ZSWIM6: variants seen among roughly 807,000 people sequenced by gnomAD.
The protein encoded by ZSWIM6 is zinc finger SWIM domain-containing protein 6.
ZSWIM6 carries 9 observed loss-of-function variants against 113.2 expected under a neutral mutation model. The ratio of observed to expected loss-of-function variants is 0.08; its 90% CI spans 0.05 to 0.14. The LOEUF is 0.14. Among genes scored for constraint, ZSWIM6 ranks in the 10% least tolerant of loss-of-function variants. ZSWIM6 has a pLI of 1.00. For missense variants in ZSWIM6, 1,162 were observed against 1,552.2 expected (o/e 0.75, Z 4.22); for synonymous variants, 611 against 606.5 (o/e 1.01, Z -0.11).
rs140840938 is a variant in ZSWIM6, at chr5:61,434,497, C to G, written c.677-38184C>G. Among the ~76,000 whole-genome samples, 1,405 of 150,986 alleles carry G rather than the reference C, an allele frequency of 9.3e-3. 14 individuals carry two copies. The highest frequency in any genetic ancestry group is 0.031 in the Middle Eastern group (9 of 290). On this transcript the variant is annotated intron_variant, in intron 1 of 13. Transcript: ENST00000252744. ...AAAGTCCCTTATATCATTCTTATGCCTTCGCATCCTATAGTTTAGTTCCCA... is the reference window on the plus strand; with the variant it reads ...AAAGTCCCTTATATCATTCTTATGCGTTCGCATCCTATAGTTTAGTTCCCA...
rs144108116 is a variant in ZSWIM6, at chr5:61,494,759, A to G, written c.1333+349A>G. Among the ~76,000 whole-genome samples, 160 of 152,300 alleles carry G rather than the reference A, an allele frequency of 1.1e-3. 1 individual carries two copies. The highest frequency in any genetic ancestry group is 3.6e-3 in the African/African-American group (150 of 41,574). ...GATTAATATTGTAATTGATTCAGCT[A>G]AAATTTAGAGTCTTTCTTCCCCCTT... On this transcript the variant is annotated intron_variant, in intron 4 of 13. Transcript: ENST00000252744.
intron 4 of ZSWIM6, among the ~76,000 whole-genome samples, chr5:61,514,948 A>G (rs1312885592): frequency 6.6e-6 from 1 of 152,076 alleles, no homozygotes; most frequent in East Asian, 1.9e-4. Flanking sequence ...AATTGATACT[A>G]TTTCTTAAAT....
At chr5:61,352,152 C>CT (rs1406923334) in intron 1 of ZSWIM6, among the ~76,000 whole-genome samples, 1 of 152,162 alleles carries the variant, frequency 6.6e-6, no homozygotes, top group Non-Finnish European at 1.5e-5. Flanking sequence ...TGCCTATGTT[C>CT]TTTTTTCTGT....
chr5:61,408,918 A>T (rs918490125), intron 1 of ZSWIM6, among the ~76,000 whole-genome samples: 1 of 152,000 alleles, frequency 6.6e-6, no homozygotes, highest in Non-Finnish European at 1.5e-5. Flanking sequence ...GGGAGTCAGG[A>T]TGGGGCGAGG....
intron 7 of ZSWIM6, among the ~76,000 whole-genome samples, chr5:61,529,161 C>A (rs1003852117): frequency 6.6e-6 from 1 of 152,076 alleles, no homozygotes; most frequent in African/African-American, 2.4e-5. Flanking sequence ...GAGCCAAGAT[C>A]GCACCATTGC....
intron 10 of ZSWIM6, among the ~76,000 whole-genome samples, chr5:61,535,960 A>G (rs1749561493): frequency 6.6e-6 from 1 of 152,248 alleles, no homozygotes; most frequent in Non-Finnish European, 1.5e-5. Flanking sequence ...TTGATTTTTG[A>G]AGCAGTAGTA....
At chr5:61,341,480 T>A (rs993774596) in intron 1 of ZSWIM6, among the ~76,000 whole-genome samples, 1 of 152,236 alleles carries the variant, frequency 6.6e-6, no homozygotes, top group Non-Finnish European at 1.5e-5. Flanking sequence ...AGGAAATTAC[T>A]GTTTATGTCA....
intron 1 of ZSWIM6, among the ~76,000 whole-genome samples, chr5:61,426,094 A>G (rs1055446937): frequency 6.6e-6 from 1 of 152,206 alleles, no homozygotes; most frequent in African/African-American, 2.4e-5. Flanking sequence ...AAAACATTTG[A>G]CACAGTTAAA....
At chr5:61,507,369 G>C (rs555479175) in intron 4 of ZSWIM6, among the ~76,000 whole-genome samples, 3 of 152,126 alleles carry the variant, frequency 2.0e-5, no homozygotes, top group Non-Finnish European at 4.4e-5. Flanking sequence ...GTGTTGGGGG[G>C]TAGCAGTGAA....
intron 1 of ZSWIM6, among the ~76,000 whole-genome samples, chr5:61,349,423 T>C (rs1243585389): frequency 6.6e-6 from 1 of 152,186 alleles, no homozygotes; most frequent in African/African-American, 2.4e-5. Flanking sequence ...TGAAATTCTC[T>C]TAATTGAAAA....
At chr5:61,363,206 A>C (rs945196892) in intron 1 of ZSWIM6, among the ~76,000 whole-genome samples, 1 of 152,190 alleles carries the variant, frequency 6.6e-6, no homozygotes, top group Non-Finnish European at 1.5e-5. Context: ...AGGCCAATCA[A>C]ATGGAAAAGG....
intron 1 of ZSWIM6, among the ~76,000 whole-genome samples, chr5:61,423,421 C>CAAA (rs57590872): frequency 2.2e-5 from 3 of 137,782 alleles, no homozygotes; most frequent in South Asian, 2.3e-4. Flanking sequence ...AAAAAAAACA[C>CAAA]AAAAAAAAAA....
chr5:61,411,480 A>C (rs954620277), intron 1 of ZSWIM6, among the ~76,000 whole-genome samples: 5 of 152,230 alleles, frequency 3.3e-5, no homozygotes, highest in Admixed American at 3.3e-4. Context: ...AGGAAATTTC[A>C]ACCTTGTCTT....
At chr5:61,512,654 A>G (rs906318252) in intron 4 of ZSWIM6, among the ~76,000 whole-genome samples, 2 of 152,250 alleles carry the variant, frequency 1.3e-5, no homozygotes, top group Middle Eastern at 3.4e-3. Flanking sequence ...AATTTTTTTT[A>G]TAATTGTAGC....
chr5:61,468,918 C>T (rs1193713562), intron 1 of ZSWIM6, among the ~76,000 whole-genome samples: 1 of 152,154 alleles, frequency 6.6e-6, no homozygotes, highest in Non-Finnish European at 1.5e-5. Context: ...ACCAGCTGCC[C>T]TTTATGTGTA....
intron 1 of ZSWIM6, among the ~76,000 whole-genome samples, chr5:61,337,286 A>C (rs56256680): frequency 0.17 from 17,380 of 104,092 alleles, 1,251 homozygotes; most frequent in Admixed American, 0.27. Flanking sequence ...CTCCCCCCCC[A>C]AAAAAAACAA....
At chr5:61,491,041 A>G in intron 3 of ZSWIM6, 107 bp downstream of exon 3, 2 of 1,156,530 alleles carry the variant, frequency 1.7e-6, no homozygotes, top group East Asian at 3.1e-5. Context: ...AAATTAAAGA[A>G]CAGGGTCTTA....
At chr5:61,393,102 C>T (rs756063384) in intron 1 of ZSWIM6, among the ~76,000 whole-genome samples, 9 of 150,940 alleles carry the variant, frequency 6.0e-5, no homozygotes, top group Non-Finnish European at 1.2e-4. Context: ...TGCAGTGGTG[C>T]GATCTTGGCT....
At chr5:61,414,006 C>G (rs754475521) in intron 1 of ZSWIM6, among the ~76,000 whole-genome samples, 36 of 151,864 alleles carry the variant, frequency 2.4e-4, no homozygotes, top group Non-Finnish European at 4.6e-4. Flanking sequence ...AGTTGTAGAG[C>G]AGAGCAGTAT....
Sources: allele counts gnomAD v4.1 joint callset (sites outside exome capture counted in the v4.1 genomes callset), GRCh38; gene constraint gnomAD v4.1.1; transcripts MANE v1.5; gene names NCBI Gene and HGNC (gene_info 2026-07-23, HGNC 2026-07-21).